FAM168A: variants seen among roughly 807,000 people sequenced by gnomAD.
FAM168A encodes family with sequence similarity 168 member A, also known as protein FAM168A.
Under a neutral mutation model 28.5 loss-of-function variants are expected in FAM168A, and 3 were observed. That is an observed-to-expected ratio of 0.11 (90% CI 0.05 to 0.27). The LOEUF (loss-of-function observed/expected upper bound fraction) is 0.27. FAM168A is among the 10% of genes least tolerant of loss of function. The pLI is 1.00. For missense variants in FAM168A, 222 were observed against 311.5 expected, an observed-to-expected ratio of 0.71 and a Z score of 2.16; for synonymous variants, 122 against 124.2, an observed-to-expected ratio of 0.98 and a Z score of 0.12.
intron 1 of FAM168A, among the ~76,000 whole-genome samples, chr11:73,533,907 C>T (rs1943544803): frequency 1.3e-5 from 2 of 152,104 alleles, no homozygotes; most frequent in African/African-American, 4.8e-5. Context: ...ACCTAATTTG[C>T]TAATGGACAT....
chr11:73,488,301 T>G, intron 1 of FAM168A, among the ~76,000 whole-genome samples: 1 of 152,034 alleles, frequency 6.6e-6, no homozygotes, highest in East Asian at 1.9e-4. Context: ...TGGCTAATGT[T>G]TGTATTTTTA....
At chr11:73,441,479 GTTT>G (rs1449265303) in intron 2 of FAM168A, among the ~76,000 whole-genome samples, 1 of 152,216 alleles carries the variant, frequency 6.6e-6, no homozygotes, top group Non-Finnish European at 1.5e-5. Flanking sequence ...TCTATCTATA[GTTT>G]TCTTGTGATG....
At chr11:73,478,210 A>C (rs1310654023) in intron 1 of FAM168A, among the ~76,000 whole-genome samples, 1 of 152,216 alleles carries the variant, frequency 6.6e-6, no homozygotes, top group Non-Finnish European at 1.5e-5. Flanking sequence ...ATAATAAATT[A>C]AGATGCATAT....
At chr11:73,545,347 A>G (rs927156787) in intron 1 of FAM168A, among the ~76,000 whole-genome samples, 1 of 151,722 alleles carries the variant, frequency 6.6e-6, no homozygotes, top group Non-Finnish European at 1.5e-5. Context: ...ATATTAAGCT[A>G]AATGAAAAAA....
chr11:73,592,783 G>A (rs1318910210), intron 1 of FAM168A, among the ~76,000 whole-genome samples: 1 of 152,030 alleles, frequency 6.6e-6, no homozygotes, highest in East Asian at 1.9e-4. Flanking sequence ...GCCAGGCATG[G>A]TGCCACATGC....
At chr11:73,437,673 C>A (rs1040494427) in intron 2 of FAM168A, among the ~76,000 whole-genome samples, 1 of 151,918 alleles carries the variant, frequency 6.6e-6, no homozygotes, top group Admixed American at 6.5e-5. Context: ...TTTTTTCAGC[C>A]ACTGGAGTGC....
intron 2 of FAM168A, 35 bp downstream of exon 2, chr11:73,468,370 T>C (rs1311788866): frequency 6.3e-7 from 1 of 1,599,360 alleles, no homozygotes; most frequent in South Asian, 1.1e-5. Flanking sequence ...TTAACCACCA[T>C]TTCTCAAAAT....
intron 2 of FAM168A, among the ~76,000 whole-genome samples, chr11:73,467,320 A>T (rs987110590): frequency 9.2e-4 from 140 of 151,398 alleles, no homozygotes; most frequent in African/African-American, 3.4e-3. Context: ...GAAATAGATA[A>T]TATTATCCCA....
At chr11:73,568,621 G>A (rs1381887722) in intron 1 of FAM168A, among the ~76,000 whole-genome samples, 1 of 152,184 alleles carries the variant, frequency 6.6e-6, no homozygotes, top group Non-Finnish European at 1.5e-5. Context: ...CCTTGGTCGG[G>A]GGTAATGGCT....
chr11:73,411,260 G>T, intron 5 of FAM168A, 134 bp downstream of exon 5: 1 of 982,296 alleles, frequency 1.0e-6, no homozygotes. Context: ...TTGCTTCAGT[G>T]ATACAACAAG....
At chr11:73,496,811 C>T (rs1480282931) in intron 1 of FAM168A, among the ~76,000 whole-genome samples, 2 of 151,774 alleles carry the variant, frequency 1.3e-5, no homozygotes, top group African/African-American at 4.8e-5. Context: ...CCACCCACCT[C>T]GGCCTCCCAA....
chr11:73,404,280 G>C lies in FAM168A; in HGVS notation c.*2483C>G, dbSNP rs1866464033. 6.6e-6 allele frequency: 1 copy of C among 152,138 alleles called. No individual in the cohort carries two copies. The highest frequency in any genetic ancestry group is 2.4e-5 in the African/African-American group (1 of 41,420). 9.4% of individuals were successfully genotyped at this position (152,138 alleles called of 1,614,324 possible). A position where few individuals can be genotyped will look rare whatever the true frequency, so the allele number is the denominator to read the frequency against. On this transcript the variant is annotated 3_prime_UTR_variant, in exon 8 of 8. Coordinates refer to ENST00000356467, the MANE Select transcript of FAM168A (RefSeq NM_015159.3). The stretch of plus-strand genomic sequence containing the variant: ...GTTCTGGGAAGCCTAGCGGATACCA[G>C]CATGCTGCTCACTGTGGGCCTGTTC...
intron 1 of FAM168A, among the ~76,000 whole-genome samples, chr11:73,553,739 T>C (rs1943855262): frequency 6.6e-6 from 1 of 152,046 alleles, no homozygotes; most frequent in African/African-American, 2.4e-5. Context: ...CCTAGCACTT[T>C]GGGAGGCCAA....
At chr11:73,524,483 T>C (rs1198289219) in intron 1 of FAM168A, among the ~76,000 whole-genome samples, 1 of 151,984 alleles carries the variant, frequency 6.6e-6, no homozygotes, top group East Asian at 1.9e-4. Context: ...CTTTTAAATT[T>C]AAATAAATCT....
At chr11:73,583,747 CAT>C (rs1318459460) in intron 1 of FAM168A, among the ~76,000 whole-genome samples, 1 of 152,194 alleles carries the variant, frequency 6.6e-6, no homozygotes, top group Non-Finnish European at 1.5e-5. Context: ...GAACTGCAGA[CAT>C]AGTACAATGC....
intron 1 of FAM168A, among the ~76,000 whole-genome samples, chr11:73,567,382 A>C (rs1327602117): frequency 6.6e-6 from 1 of 152,198 alleles, no homozygotes; most frequent in African/African-American, 2.4e-5. Context: ...ACTTTAAACC[A>C]GTCACTTGAT....
chr11:73,499,769 GT>G (rs1854968178), intron 1 of FAM168A, among the ~76,000 whole-genome samples: 1 of 151,862 alleles, frequency 6.6e-6, no homozygotes, highest in Non-Finnish European at 1.5e-5. Flanking sequence ...CGGAAGAAAG[GT>G]TATCAGAGTT....
Position 73,564,117 on chromosome 11 carries a change from C to T in FAM168A, c.-19+33806G>A, listed in dbSNP as rs190802371. 1.7e-3 allele frequency among the ~76,000 whole-genome samples: 261 copies of T among 152,272 alleles called. 2 individuals carry two copies. The highest frequency in any genetic ancestry group is 6.1e-3 in the African/African-American group (255 of 41,564). On this transcript the variant is annotated intron_variant, in intron 1 of 7. Coordinates refer to ENST00000356467, the MANE Select transcript of FAM168A (RefSeq NM_015159.3). ...GGAGAAGGTCTTCTATAGCGGCTTA[C>T]AAAAGTCCTGAACATTCAGTTTAGA...
At chr11:73,559,171 G>T (rs562345692) in intron 1 of FAM168A, among the ~76,000 whole-genome samples, 3 of 152,162 alleles carry the variant, frequency 2.0e-5, no homozygotes, top group Non-Finnish European at 4.4e-5. Context: ...ACTTTGGGAC[G>T]CCGAGGCAGG....
Sources: gnomAD v4.1 joint callset for allele counts (sites outside exome capture counted in the v4.1 genomes callset) on GRCh38, gnomAD v4.1.1 for gene constraint, MANE v1.5 for transcripts, NCBI Gene and HGNC (gene_info 2026-07-23, HGNC 2026-07-21) for gene names.